Variants in VAC14 observed in about 807,000 individuals in gnomAD.
The protein encoded by VAC14 is protein VAC14 homolog.
In VAC14, 47 loss-of-function variants were observed where a neutral mutation model predicts 85.3. That is an observed-to-expected ratio of 0.55 (90% CI 0.44 to 0.70). The LOEUF (loss-of-function observed/expected upper bound fraction) is 0.70, where lower values mean the gene tolerates loss of function less well. VAC14 is among the 30% of genes least tolerant of loss of function. VAC14 has a pLI of 0.00. For synonymous variants in VAC14, 447 were observed against 430.5 expected, an observed-to-expected ratio of 1.04 and a Z score of -0.47; for missense variants, 861 against 1,004.3, an observed-to-expected ratio of 0.86 and a Z score of 1.93.
chr16:70,774,585 A>C (rs2033417885), intron 9 of VAC14, among the ~76,000 whole-genome samples: 1 of 152,166 alleles, frequency 6.6e-6, no homozygotes, highest in African/African-American at 2.4e-5. Context: ...ACATGTCCCC[A>C]GTGATTGACC....
At chr16:70,777,612 AG>A (rs1255526048) in intron 9 of VAC14, among the ~76,000 whole-genome samples, 1 of 152,172 alleles carries the variant, frequency 6.6e-6, no homozygotes, top group Non-Finnish European at 1.5e-5. Flanking sequence ...TGGCAGGCCA[AG>A]GGGGAGTCGG....
At chr16:70,697,344 G>A (rs1241250748) in intron 15 of VAC14, 87 bp from the exon 16 acceptor site, 27 of 1,109,004 alleles carry the variant, frequency 2.4e-5, no homozygotes, top group Admixed American at 3.9e-5. Flanking sequence ...AAGGGCCACA[G>A]GTCTAAGTCC....
chr16:70,696,149 T>A (rs145306272), intron 16 of VAC14, among the ~76,000 whole-genome samples: 2 of 152,340 alleles, frequency 1.3e-5, no homozygotes, highest in East Asian at 3.9e-4. Context: ...TGTTGCCTTC[T>A]AAATAGCACT....
At chr16:70,702,497 C>G (rs757279265) in intron 14 of VAC14, among the ~76,000 whole-genome samples, 1 of 152,074 alleles carries the variant, frequency 6.6e-6, no homozygotes, top group Non-Finnish European at 1.5e-5. Context: ...GGAGGAAGAG[C>G]CTGGAGAGGC....
At chr16:70,700,827 C>T (rs567162693) in intron 14 of VAC14, among the ~76,000 whole-genome samples, 3 of 152,334 alleles carry the variant, frequency 2.0e-5, no homozygotes, top group Admixed American at 1.3e-4. Context: ...TGCCCGTCGC[C>T]GGCAGCTGGT....
rs1449827120 is a variant in VAC14, at chr16:70,800,962, C to G, written c.-62G>C. 7.7e-7 allele frequency: 1 copy of G among 1,301,138 alleles called. No individual in the cohort carries two copies. The highest frequency in any genetic ancestry group is 1.0e-6 in the Non-Finnish European group (1 of 961,756). 80.6% of individuals were successfully genotyped at this position (1,301,138 alleles called of 1,614,324 possible). A position where few individuals can be genotyped will look rare whatever the true frequency, so the allele number is the denominator to read the frequency against. On this transcript the variant is annotated 5_prime_UTR_variant, in exon 1 of 19. Coordinates refer to ENST00000261776, the MANE Select transcript of VAC14 (RefSeq NM_018052.5). ...GCGGCTGCCGGGGCCGCGCCGGGGC[C>G]AGGGGAGTCTGCGGCTCCGCTCTGC...
At chr16:70,753,672 C>T (rs1190599553) in intron 12 of VAC14, among the ~76,000 whole-genome samples, 1 of 152,196 alleles carries the variant, frequency 6.6e-6, no homozygotes, top group Non-Finnish European at 1.5e-5. Flanking sequence ...AGCCCCTGGG[C>T]ACCCGGGCTC....
In VAC14 at chr16:70,714,210, G is replaced by A. The variant is rs1332591218; in HGVS notation, c.1662-15399C>T. On this transcript the variant is annotated intron_variant, in intron 14 of 18. Transcript: ENST00000261776. Reference sequence around the variant, plus strand: ...TATTTTAGGCATCACTGGCAGGAATGAGAGAAGAGACTGGAAGGATCAGTC... The same window carrying A: ...TATTTTAGGCATCACTGGCAGGAATAAGAGAAGAGACTGGAAGGATCAGTC... 2.6e-5 allele frequency: 4 copies of A among 152,252 alleles called. No homozygotes were observed. The East Asian group carries it at 7.7e-4, about 29-fold the overall frequency. 9.4% of individuals were successfully genotyped at this position (152,252 alleles called of 1,614,324 possible). A position where few individuals can be genotyped will look rare whatever the true frequency, so the allele number is the denominator to read the frequency against.
rs78373282 is a variant in VAC14, at chr16:70,757,082, G to T, written c.1371+5458C>A. On this transcript the variant is annotated intron_variant, in intron 12 of 18. Transcript: ENST00000261776. ...TACTCTGAAGCTACGGGAGGGGGAAGAGAGGAGTTCCTCCTGGGTTGAGAC... is the reference window on the plus strand; with the variant it reads ...TACTCTGAAGCTACGGGAGGGGGAATAGAGGAGTTCCTCCTGGGTTGAGAC... 4.9e-4 allele frequency among the ~76,000 whole-genome samples: 74 copies of T among 152,276 alleles called. 2 individuals carry two copies. In the East Asian group the frequency reaches 0.014, roughly 29 times the overall value.
At chr16:70,733,222 A>C (rs139557928) in intron 13 of VAC14, among the ~76,000 whole-genome samples, 3 of 152,274 alleles carry the variant, frequency 2.0e-5, no homozygotes, top group Non-Finnish European at 4.4e-5. Flanking sequence ...GTTTCCTATA[A>C]ATAGAACTAA....
At chr16:70,751,944 G>C (rs2031423444) in intron 12 of VAC14, among the ~76,000 whole-genome samples, 1 of 152,270 alleles carries the variant, frequency 6.6e-6, no homozygotes, top group African/African-American at 2.4e-5. Context: ...AACAAGGAAG[G>C]AAAGTGTTGC....
At chr16:70,690,534 G>A (rs1409596349) in intron 18 of VAC14, 20 of 985,520 alleles carry the variant, frequency 2.0e-5, no homozygotes, top group Non-Finnish European at 2.4e-5. Context: ...CAGTCACTGG[G>A]GAGTGGCCCA....
intron 14 of VAC14, among the ~76,000 whole-genome samples, chr16:70,701,694 G>C (rs2053831181): frequency 6.6e-6 from 1 of 152,162 alleles, no homozygotes. Flanking sequence ...GCCCCTCCCT[G>C]CTGGGATTTG....
At chr16:70,695,808 TC>T (rs1351237439) in intron 16 of VAC14, 185 bp from the exon 17 acceptor site, 1 of 570,818 alleles carries the variant, frequency 1.8e-6, no homozygotes, top group African/African-American at 1.9e-5. Context: ...TAAATGGAAC[TC>T]CCCTGTTCAG....
rs1385893702 is a variant in VAC14, at chr16:70,691,901, AG to A, written c.2186+919del. On this transcript the variant is annotated intron_variant, in intron 18 of 18. Coordinates refer to ENST00000261776, the MANE Select transcript of VAC14 (RefSeq NM_018052.5). The stretch of plus-strand genomic sequence containing the variant: ...TGTCCATCGCAAAGGCGAGCACCCG[AG>A]GCCCTTTGCTGGAGCAAGGCGCCAG... 22 of 985,248 alleles carry A rather than the reference AG, an allele frequency of 2.2e-5. No individual in the cohort carries two copies. The East Asian group carries it at 2.3e-3, about 102-fold the overall frequency. 61.0% of individuals were successfully genotyped at this position (985,248 alleles called of 1,614,324 possible). A position where few individuals can be genotyped will look rare whatever the true frequency, so the allele number is the denominator to read the frequency against.
At chr16:70,717,386 A>G (rs2054189461) in intron 14 of VAC14, among the ~76,000 whole-genome samples, 2 of 152,166 alleles carry the variant, frequency 1.3e-5, no homozygotes, top group South Asian at 4.2e-4. Flanking sequence ...TGAGCCTTGA[A>G]CTTCTAGTTT....
intron 18 of VAC14, chr16:70,692,073 C>A: frequency 1.0e-6 from 1 of 982,538 alleles, no homozygotes; most frequent in South Asian, 4.8e-5. Context: ...TTTTCCATCT[C>A]GGATGCCAAA....
chr16:70,778,109 G>A (rs1239748684), intron 9 of VAC14, among the ~76,000 whole-genome samples: 1 of 152,200 alleles, frequency 6.6e-6, no homozygotes, highest in East Asian at 1.9e-4. Flanking sequence ...GTAAAATCCA[G>A]AGCCAAGAGG....
chr16:70,790,343 A>G (rs977067276), intron 1 of VAC14, among the ~76,000 whole-genome samples: 5 of 152,310 alleles, frequency 3.3e-5, no homozygotes, highest in Middle Eastern at 3.4e-3. Context: ...TTGGTTTGGC[A>G]GAAAGAAAAG....
Sources: allele counts gnomAD v4.1 joint callset (sites outside exome capture counted in the v4.1 genomes callset), GRCh38; gene constraint gnomAD v4.1.1; transcripts MANE v1.5; gene names NCBI Gene and HGNC (gene_info 2026-07-23, HGNC 2026-07-21).